The following NEMP2 variants were observed in gnomAD, a reference collection of about 807,000 sequenced individuals.
NEMP2 encodes the protein UPF0571 transmembrane protein.
In NEMP2, 53 loss-of-function variants were observed where a neutral mutation model predicts 54.2. The ratio of observed to expected loss-of-function variants is 0.98; its 90% confidence interval spans 0.78 to 1.23. NEMP2 has a LOEUF of 1.23. Among genes scored for constraint, NEMP2 ranks in the 50% most tolerant of loss-of-function variants. NEMP2 has a pLI of 0.00. For synonymous variants in NEMP2, 197 were observed against 190.3 expected (o/e 1.04, Z -0.29); for missense variants, 455 against 511.3 (o/e 0.89, Z 1.06).
At chr2:190,643,783 C>T in the NEMP2 span, among the ~76,000 whole-genome samples, 1 of 152,030 alleles carries the variant, frequency 6.6e-6, no homozygotes, top group Admixed American at 6.6e-5. Flanking sequence ...AAAAATTAGC[C>T]GGGCATGGTG....
the NEMP2 span, chr2:190,437,637 C>T: frequency 3.4e-6 from 5 of 1,477,312 alleles, no homozygotes; most frequent in Admixed American, 4.2e-5. The surrounding 1 kb of genome is among the most constrained non-coding windows in gnomAD (Gnocchi z 5.9). Flanking sequence ...CCTTCTACTA[C>T]AATTTTAAGG....
At chr2:190,517,090 C>CAAAAAAAAAAAAAAAAAAAAAAAA (rs56324449) in intron 5 of NEMP2, among the ~76,000 whole-genome samples, 1 of 89,402 alleles carries the variant, frequency 1.1e-5, no homozygotes, top group Non-Finnish European at 2.1e-5. Context: ...GACTGTGTCT[C>CAAAAAAAAAAAAAAAAAAAAAAAA]AAAAAAAAAA....
At position 190,514,317 on chromosome 2, in the gene NEMP2, C is replaced by T. The variant is rs532759563; in HGVS notation, c.953+136G>A. ...TGCTTGGAGCTCTCTACCCCTACACCCCCAATCTTGCTCAGAATGAAATCT... is the reference window on the plus strand; with the variant it reads ...TGCTTGGAGCTCTCTACCCCTACACTCCCAATCTTGCTCAGAATGAAATCT... On this transcript the variant is annotated intron_variant, in intron 7 of 8. Transcript: ENST00000409150. This position sits in a 1 kb window ranked among gnomAD's most constrained non-coding sequence, Gnocchi z 5.7. The T allele has an allele frequency of 6.0e-5, 52 of 860,566 alleles. No homozygotes were observed. The South Asian group carries it at 7.6e-4, about 13-fold the overall frequency. 53.3% of individuals were successfully genotyped at this position (860,566 alleles called of 1,614,324 possible).
chr2:190,430,590 C>A, the NEMP2 span, among the ~76,000 whole-genome samples: 1 of 152,076 alleles, frequency 6.6e-6, no homozygotes, highest in African/African-American at 2.4e-5. Context: ...AATGAAAAGT[C>A]TCCCATGTCT....
the NEMP2 span, chr2:190,626,718 C>T: frequency 6.6e-6 from 1 of 152,188 alleles, no homozygotes; most frequent in Non-Finnish European, 1.5e-5. This position sits in a 1 kb window ranked among gnomAD's most constrained non-coding sequence, Gnocchi z 4.5. Context: ...AGTCATGCCT[C>T]ATCCACATCT....
chr2:190,508,904 A>C lies in NEMP2; in HGVS notation c.*285T>G, dbSNP rs1396129251. On this transcript the variant is annotated 3_prime_UTR_variant, in exon 9 of 9. Transcript: ENST00000409150. The surrounding 1 kb of genome is among the most constrained non-coding windows in gnomAD (Gnocchi z 4.3). Reference sequence around the variant, plus strand: ...TGTTCATGCTTACTAGCCCCTTAAGAACAACGCCATTCCCCTGTTCCTAAT... The same window carrying C: ...TGTTCATGCTTACTAGCCCCTTAAGCACAACGCCATTCCCCTGTTCCTAAT... 1 of 395,834 alleles carries C rather than the reference A, an allele frequency of 2.5e-6. No homozygotes were observed. Among genetic ancestry groups the C allele is most frequent in the Non-Finnish European group, 4.6e-6 (1 of 216,994 alleles). The allele number at this position is 395,834 out of a possible 1,614,324, so 24.5% of individuals were successfully genotyped here. A position where few individuals can be genotyped will look rare whatever the true frequency, so the allele number is the denominator to read the frequency against.
chr2:190,438,986 G>T, the NEMP2 span, among the ~76,000 whole-genome samples: 5,878 of 152,082 alleles, frequency 0.039, 186 homozygotes, highest in Non-Finnish European at 0.054. This position sits in a 1 kb window ranked among gnomAD's most constrained non-coding sequence, Gnocchi z 5.2. Context: ...ACCAAAGTCA[G>T]GGACTGTGTG....
the NEMP2 span, among the ~76,000 whole-genome samples, chr2:190,495,111 C>T: frequency 6.6e-6 from 1 of 152,078 alleles, no homozygotes; most frequent in Non-Finnish European, 1.5e-5. The surrounding 1 kb of genome is among the most constrained non-coding windows in gnomAD (Gnocchi z 4.7). Flanking sequence ...CTAAAGACTC[C>T]TCCTAAAAGC....
At chr2:190,628,418 A>G in the NEMP2 span, 5 of 152,240 alleles carry the variant, frequency 3.3e-5, no homozygotes, top group Non-Finnish European at 5.9e-5. The surrounding 1 kb of genome is among the most constrained non-coding windows in gnomAD (Gnocchi z 4.1). Context: ...CTGAGGAGGT[A>G]GAACTCAACA....
rs1221466450 is a variant in NEMP2, at chr2:190,530,738, C to A, written c.97+3821G>T. On this transcript the variant is annotated intron_variant, in intron 1 of 8. Transcript: ENST00000409150. The surrounding 1 kb of genome is among the most constrained non-coding windows in gnomAD (Gnocchi z 4.6). ...TATTTGAACTCTATGGCTGATTATG[C>A]CCTGACACTGAAGGCTATGAAGCTG... Among the ~76,000 whole-genome samples, 1 of 152,202 alleles carries A rather than the reference C, an allele frequency of 6.6e-6. No homozygotes were observed. Among genetic ancestry groups the A allele is most frequent in the Non-Finnish European group, 1.5e-5 (1 of 68,040 alleles).
the NEMP2 span, among the ~76,000 whole-genome samples, chr2:190,435,675 C>T: frequency 6.6e-6 from 1 of 152,144 alleles, no homozygotes; most frequent in Non-Finnish European, 1.5e-5. Context: ...TTGGTTTAGA[C>T]ATAATCCCTA....
chr2:190,506,203 C>CACTCTTCAATGTCATGTCATGTCATG lies in NEMP2; in HGVS notation c.*2985_*2986insCATGACATGACATGACATTGAAGAGT, dbSNP rs1690183405. 6.6e-6 allele frequency: 1 copy of CACTCTTCAATGTCATGTCATGTCATG among 152,222 alleles called. No homozygotes were observed. 9.4% of individuals were successfully genotyped at this position (152,222 alleles called of 1,614,324 possible). On this transcript the variant is annotated 3_prime_UTR_variant, in exon 9 of 9. Transcript: ENST00000409150. This position sits in a 1 kb window ranked among gnomAD's most constrained non-coding sequence, Gnocchi z 6.3. ...GGCTAACAGTCACACCCAAATAGTT[C>CACTCTTCAATGTCATGTCATGTCATG]ACTCTTCAATGTCATGCCACCCAGC...
chr2:190,534,198 C>T, intron 1 of NEMP2: 1 of 1,056,512 alleles, frequency 9.5e-7, no homozygotes, highest in Non-Finnish European at 1.1e-6. Context: ...AGGCCGTGTG[C>T]TGAAAGTCTG....
At chr2:190,482,381 G>A in the NEMP2 span, among the ~76,000 whole-genome samples, 1 of 150,948 alleles carries the variant, frequency 6.6e-6, no homozygotes, top group South Asian at 2.1e-4. Flanking sequence ...TCACCAAGTT[G>A]ACCTTTCGGA....
the NEMP2 span, among the ~76,000 whole-genome samples, chr2:190,476,413 C>G: frequency 1.1e-4 from 16 of 152,292 alleles, no homozygotes; most frequent in Admixed American, 5.9e-4. Flanking sequence ...AGACTCTTCT[C>G]AAAAGAAGAC....
the NEMP2 span, among the ~76,000 whole-genome samples, chr2:190,432,764 T>C: frequency 6.6e-6 from 1 of 152,118 alleles, no homozygotes; most frequent in African/African-American, 2.4e-5. Context: ...TGCATTTGTT[T>C]GGGGTTTAGA....
At chr2:190,449,242 G>A in the NEMP2 span, among the ~76,000 whole-genome samples, 1 of 152,190 alleles carries the variant, frequency 6.6e-6, no homozygotes, top group Non-Finnish European at 1.5e-5. Context: ...GGCAGGCTGA[G>A]GCAGGTGGAT....
chr2:190,566,185 G>A, the NEMP2 span, among the ~76,000 whole-genome samples: 2 of 152,182 alleles, frequency 1.3e-5, no homozygotes, highest in African/African-American at 4.8e-5. Flanking sequence ...AAACATGAAA[G>A]AAAATAAAAT....
At chr2:190,462,725 G>A in the NEMP2 span, among the ~76,000 whole-genome samples, 1 of 152,146 alleles carries the variant, frequency 6.6e-6, no homozygotes, top group South Asian at 2.1e-4. This position sits in a 1 kb window ranked among gnomAD's most constrained non-coding sequence, Gnocchi z 5.7. Flanking sequence ...TTCAACAGTG[G>A]GACTCTCAAA....
Sources: gnomAD v4.1 joint callset for allele counts (sites outside exome capture counted in the v4.1 genomes callset) on GRCh38, gnomAD v4.1.1 for gene constraint, Gnocchi (gnomAD v3.1) non-coding constraint, MANE v1.5 for transcripts, NCBI Gene and HGNC (gene_info 2026-07-23, HGNC 2026-07-21) for gene names.